The following GDAP2 variants were observed in gnomAD, a reference collection of about 807,000 sequenced individuals.
GDAP2 encodes the protein ganglioside-induced differentiation-associated protein 2.
GDAP2 carries 51 observed loss-of-function variants against 67.0 expected under a neutral mutation model. The observed-to-expected ratio is 0.76, with a 90% CI of 0.61 to 0.96. The LOEUF (loss-of-function observed/expected upper bound fraction) is 0.96. Among genes scored for constraint, GDAP2 ranks in the 40% least tolerant of loss-of-function variants. The pLI, the probability that GDAP2 is intolerant of heterozygous loss-of-function variation, is 0.00. For missense variants in GDAP2, 547 were observed against 588.3 expected (o/e 0.93, Z 0.73); for synonymous variants, 203 against 207.3 (o/e 0.98, Z 0.18).
At chr1:117,916,897 G>A (rs1276000367) in intron 3 of GDAP2, among the ~76,000 whole-genome samples, 1 of 152,032 alleles carries the variant, frequency 6.6e-6, no homozygotes, top group African/African-American at 2.4e-5. Context: ...AGCCAGGTAT[G>A]GTGGCACACA....
At chr1:117,917,240 T>C (rs1197682445) in intron 3 of GDAP2, among the ~76,000 whole-genome samples, 1 of 152,162 alleles carries the variant, frequency 6.6e-6, no homozygotes, top group Non-Finnish European at 1.5e-5. Context: ...GTATCTCCTG[T>C]TACTCTTTTC....
intron 8 of GDAP2, among the ~76,000 whole-genome samples, chr1:117,889,103 G>A (rs2047806516): frequency 6.6e-6 from 1 of 152,058 alleles, no homozygotes; most frequent in South Asian, 2.1e-4. Context: ...TCAAGAAAAT[G>A]CCTATGTTTA....
At chr1:117,912,166 G>C in intron 4 of GDAP2, 84 bp from the exon 5 acceptor site, 1 of 814,874 alleles carries the variant, frequency 1.2e-6, no homozygotes, top group South Asian at 1.5e-5. Context: ...TCAAAATCTA[G>C]CTCAACTTCT....
chr1:117,876,016 T>G (rs1648441755), intron 13 of GDAP2, among the ~76,000 whole-genome samples: 1 of 152,066 alleles, frequency 6.6e-6, no homozygotes, highest in South Asian at 2.1e-4. Flanking sequence ...ATGGAATGAT[T>G]GTATTTTGCA....
chr1:117,911,988 A>T lies in GDAP2; in HGVS notation c.559+6T>A. On this transcript the variant is annotated splice_donor_region_variant and intron_variant, in intron 5 of 13. Coordinates refer to ENST00000369443, the MANE Select transcript of GDAP2 (RefSeq NM_017686.4). ...ATTCATGTACAGCATCTCTGATATT[A>T]CTTACGAAGTGCTATGTGTGTTGCA... 1 of 1,489,194 alleles carries T rather than the reference A, an allele frequency of 6.7e-7. No individual in the cohort carries two copies. The highest frequency in any genetic ancestry group is 9.4e-7 in the Non-Finnish European group (1 of 1,066,520). 92.2% of individuals were successfully genotyped at this position (1,489,194 alleles called of 1,614,324 possible). A position where few individuals can be genotyped will look rare whatever the true frequency, so the allele number is the denominator to read the frequency against.
At chr1:117,889,304 C>T (rs1309258306) in intron 8 of GDAP2, among the ~76,000 whole-genome samples, 2 of 150,602 alleles carry the variant, frequency 1.3e-5, no homozygotes, top group African/African-American at 2.5e-5. Context: ...CATTATCTCA[C>T]ATATTTATCA....
intron 13 of GDAP2, among the ~76,000 whole-genome samples, chr1:117,873,709 A>C (rs958551993): frequency 6.6e-6 from 1 of 151,986 alleles, no homozygotes. Context: ...CTTTTCCTCC[A>C]AATTGCTTCT....
intron 13 of GDAP2, among the ~76,000 whole-genome samples, chr1:117,876,291 C>G (rs886545057): frequency 6.6e-6 from 1 of 152,024 alleles, no homozygotes; most frequent in Admixed American, 6.5e-5. Context: ...CTCTTGCTTC[C>G]CTTCCCACCA....
At chr1:117,923,569 T>C (rs1650334301) in intron 1 of GDAP2, among the ~76,000 whole-genome samples, 1 of 152,116 alleles carries the variant, frequency 6.6e-6, no homozygotes, top group Non-Finnish European at 1.5e-5. Flanking sequence ...ATGAAATAAA[T>C]AAGGGCAGAC....
intron 8 of GDAP2, among the ~76,000 whole-genome samples, chr1:117,894,820 G>C (rs1384035819): frequency 6.6e-6 from 1 of 152,092 alleles, no homozygotes; most frequent in Non-Finnish European, 1.5e-5. Flanking sequence ...AGTATTTGTT[G>C]CCAATGATAA....
chr1:117,927,363 T>C (rs1384303496), intron 1 of GDAP2, among the ~76,000 whole-genome samples: 1 of 152,028 alleles, frequency 6.6e-6, no homozygotes, highest in African/African-American at 2.4e-5. Context: ...TGGATCACCA[T>C]CTCAAAAAAA....
Position 117,866,461 on chromosome 1 carries a change from C to G in GDAP2, c.*4108G>C, listed in dbSNP as rs563327263. 1 of 152,178 alleles carries G rather than the reference C, an allele frequency of 6.6e-6. No homozygotes were observed. The highest frequency in any genetic ancestry group is 1.5e-5 in the Non-Finnish European group (1 of 68,008). The allele number at this position is 152,178 out of a possible 1,614,324, so 9.4% of individuals were successfully genotyped here. A position where few individuals can be genotyped will look rare whatever the true frequency, so the allele number is the denominator to read the frequency against. On this transcript the variant is annotated 3_prime_UTR_variant, in exon 14 of 14. Transcript: ENST00000369443. ...CCTTTCATTCTTCATGGTCTTTTTG[C>G]AAAACAAGAGTTAATTATATGCCAA... is the stretch of plus-strand genomic sequence containing the variant.
chr1:117,887,866 A>C, intron 8 of GDAP2, 92 bp from the exon 9 acceptor site: 1 of 723,400 alleles, frequency 1.4e-6, no homozygotes. Flanking sequence ...CCTGACCCTA[A>C]AAATTTTCAA....
At position 117,905,317 on chromosome 1, in the gene GDAP2, T is replaced by C. The variant is rs201491593; in HGVS notation, c.636+1189A>G. ...AAGGCCTTGAATGATCTTATCCTTA[T>C]CTAACTTTCATTTTCGCCACTCTCA... On this transcript the variant is annotated intron_variant, in intron 6 of 13. Transcript: ENST00000369443. Among the ~76,000 whole-genome samples the C allele has an allele frequency of 2.8e-4, 43 of 152,326 alleles. 1 individual carries two copies. In the East Asian group the frequency reaches 6.9e-3, roughly 25 times the overall value.
intron 1 of GDAP2, among the ~76,000 whole-genome samples, chr1:117,921,722 A>G (rs544929910): frequency 3.3e-5 from 5 of 152,340 alleles, no homozygotes; most frequent in African/African-American, 1.2e-4. Context: ...GAGGATCTTG[A>G]TCATGGTAAT....
intron 8 of GDAP2, among the ~76,000 whole-genome samples, chr1:117,889,041 G>A (rs986335045): frequency 6.6e-6 from 1 of 152,100 alleles, no homozygotes; most frequent in Non-Finnish European, 1.5e-5. Flanking sequence ...TATGCAAATT[G>A]AAAAGTCAAA....
intron 8 of GDAP2, among the ~76,000 whole-genome samples, chr1:117,896,383 G>A (rs907764472): frequency 6.6e-6 from 1 of 152,206 alleles, no homozygotes; most frequent in African/African-American, 2.4e-5. Flanking sequence ...TGGAAGAAAT[G>A]GAATGGTTTG....
At chr1:117,911,223 G>A (rs182824102) in intron 5 of GDAP2, among the ~76,000 whole-genome samples, 205 of 152,188 alleles carry the variant, frequency 1.3e-3, no homozygotes, top group Non-Finnish European at 2.5e-3. Context: ...CATATATACA[G>A]TGAGATCATG....
At position 117,878,256 on chromosome 1, in the gene GDAP2, TTAAAA is replaced by T. The variant is rs1431571815; in HGVS notation, c.1303-109_1303-105del. On this transcript the variant is annotated intron_variant, in intron 12 of 13. Coordinates refer to ENST00000369443, the MANE Select transcript of GDAP2 (RefSeq NM_017686.4). ...TAGATAAAAACTATATTTCAAAGTC[TTAAAA>T]TAACTAGTGTTTTCAAAGCGCAATC... is the stretch of plus-strand genomic sequence containing the variant. 6 of 562,436 alleles carry T rather than the reference TTAAAA, an allele frequency of 1.1e-5. No individual in the cohort carries two copies. The Admixed American group carries it at 1.8e-4, about 17-fold the overall frequency. 34.8% of individuals were successfully genotyped at this position (562,436 alleles called of 1,614,324 possible).
Sources: allele counts gnomAD v4.1 joint callset (sites outside exome capture counted in the v4.1 genomes callset), GRCh38; gene constraint gnomAD v4.1.1; transcripts MANE v1.5; gene names NCBI Gene and HGNC (gene_info 2026-07-23, HGNC 2026-07-21).